The following CSMD3 variants were observed in gnomAD, a reference collection of about 807,000 sequenced individuals.
CSMD3 encodes CUB and Sushi multiple domains 3.
CSMD3 carries 177 observed loss-of-function variants against 435.2 expected under a neutral mutation model. That is an observed-to-expected ratio of 0.41 (90% confidence interval 0.36 to 0.46). The LOEUF (loss-of-function observed/expected upper bound fraction) is 0.46, where lower values mean the gene tolerates loss of function less well. Ranked by LOEUF, CSMD3 falls within the 20% of genes least tolerant of loss-of-function variation. The probability of loss-of-function intolerance (pLI) is 0.34; values close to 1 mark genes in which losing one functional copy is unlikely to be tolerated. For missense variants in CSMD3, 4,265 were observed against 4,504.6 expected (o/e 0.95, Z 1.52); for synonymous variants, 1,656 against 1,520.5 (o/e 1.09, Z -2.07).
At chr8:113,233,706 G>A (rs1167799657) in intron 3 of CSMD3, among the ~76,000 whole-genome samples, 1 of 151,706 alleles carries the variant, frequency 6.6e-6, no homozygotes, top group Non-Finnish European at 1.5e-5. Flanking sequence ...GAAAAGTTGA[G>A]AAGGAAAAGA....
chr8:113,134,361 G>A (rs1564352280), intron 4 of CSMD3, among the ~76,000 whole-genome samples: 1 of 151,928 alleles, frequency 6.6e-6, no homozygotes, highest in Non-Finnish European at 1.5e-5. Context: ...GCTCTATGAT[G>A]ACCCAATGTT....
intron 4 of CSMD3, among the ~76,000 whole-genome samples, chr8:113,137,328 C>T (rs976374747): frequency 6.6e-6 from 1 of 151,494 alleles, no homozygotes; most frequent in Admixed American, 6.6e-5. Flanking sequence ...TACTTAATAT[C>T]CTGTTTTATC....
chr8:112,756,187 G>C (rs1261618112), intron 13 of CSMD3, among the ~76,000 whole-genome samples: 1 of 152,076 alleles, frequency 6.6e-6, no homozygotes, highest in Non-Finnish European at 1.5e-5. Flanking sequence ...CTGGGTATGT[G>C]AAAAATCAGG....
chr8:112,975,613 T>C (rs2084816633), intron 7 of CSMD3, among the ~76,000 whole-genome samples: 3 of 152,104 alleles, frequency 2.0e-5, no homozygotes, highest in Admixed American at 2.0e-4. Flanking sequence ...CCCCTCCCCC[T>C]CCAACATTTG....
chr8:113,390,965 G>T (rs2094458961), intron 1 of CSMD3, among the ~76,000 whole-genome samples: 1 of 151,898 alleles, frequency 6.6e-6, no homozygotes, highest in South Asian at 2.1e-4. Context: ...ATTTGGAGAG[G>T]CAGAAGAAAG....
At chr8:112,265,027 G>T (rs2130402551) in intron 60 of CSMD3, among the ~76,000 whole-genome samples, 1 of 152,006 alleles carries the variant, frequency 6.6e-6, no homozygotes, top group African/African-American at 2.4e-5. Context: ...ATTATAGAAA[G>T]AATTTTTCCC....
intron 13 of CSMD3, among the ~76,000 whole-genome samples, chr8:112,773,139 AC>A (rs1234279217): frequency 3.3e-5 from 5 of 151,998 alleles, no homozygotes; most frequent in African/African-American, 1.2e-4. Flanking sequence ...GGGGCAACCC[AC>A]CCGTTCAAAA....
chr8:113,035,824 G>A (rs898094832), intron 5 of CSMD3, among the ~76,000 whole-genome samples: 3 of 151,886 alleles, frequency 2.0e-5, no homozygotes, highest in Non-Finnish European at 1.5e-5. Context: ...CCTATGGTTA[G>A]AGGAAATAAA....
intron 45 of CSMD3, among the ~76,000 whole-genome samples, chr8:112,328,069 C>T (rs1013730420): frequency 6.6e-6 from 1 of 152,148 alleles, no homozygotes; most frequent in African/African-American, 2.4e-5. Flanking sequence ...AGTAAGGACA[C>T]AGTATTCCTT....
At chr8:112,768,937 G>A (rs2078045739) in intron 13 of CSMD3, among the ~76,000 whole-genome samples, 1 of 151,844 alleles carries the variant, frequency 6.6e-6, no homozygotes. Flanking sequence ...TAGATCATCT[G>A]TGGCAACCTC....
intron 10 of CSMD3, among the ~76,000 whole-genome samples, chr8:112,859,555 G>C (rs1015669564): frequency 1.3e-5 from 2 of 151,710 alleles, no homozygotes; most frequent in African/African-American, 4.8e-5. Flanking sequence ...TTAGAGAAAG[G>C]TATATGTACC....
At chr8:112,841,923 A>G in intron 11 of CSMD3, among the ~76,000 whole-genome samples, 1 of 151,968 alleles carries the variant, frequency 6.6e-6, no homozygotes, top group South Asian at 2.1e-4. Flanking sequence ...GAGCAAAGGA[A>G]TTACACACAT....
At chr8:112,665,510 T>G (rs1031118418) in intron 17 of CSMD3, among the ~76,000 whole-genome samples, 5 of 152,160 alleles carry the variant, frequency 3.3e-5, no homozygotes, top group African/African-American at 4.8e-5. Context: ...AATTCAATCT[T>G]CAGTCAATAA....
intron 3 of CSMD3, among the ~76,000 whole-genome samples, chr8:113,198,143 C>T (rs61239354): frequency 0.11 from 17,113 of 151,298 alleles, 1,552 homozygotes; most frequent in African/African-American, 0.25. Context: ...AAGTTGGTAC[C>T]AAAATTGATT....
intron 7 of CSMD3, among the ~76,000 whole-genome samples, chr8:112,966,628 T>C (rs953600687): frequency 2.0e-5 from 3 of 151,862 alleles, no homozygotes; most frequent in South Asian, 2.1e-4. Flanking sequence ...TTTTAAAGTA[T>C]AGAATTTTGA....
intron 50 of CSMD3, among the ~76,000 whole-genome samples, chr8:112,309,613 C>T (rs1821766179): frequency 6.6e-6 from 1 of 152,040 alleles, no homozygotes; most frequent in Non-Finnish European, 1.5e-5. Flanking sequence ...TAAAATGTAT[C>T]TATTCTGCAT....
intron 3 of CSMD3, among the ~76,000 whole-genome samples, chr8:113,243,334 ATATTT>A (rs2093240120): frequency 6.6e-6 from 1 of 151,940 alleles, no homozygotes; most frequent in African/African-American, 2.4e-5. Flanking sequence ...AATTTCAGAA[ATATTT>A]TATTTATTTT....
chr8:112,982,267 T>C (rs2085080761), intron 6 of CSMD3, among the ~76,000 whole-genome samples: 1 of 151,876 alleles, frequency 6.6e-6, no homozygotes, highest in African/African-American at 2.4e-5. Context: ...ACTGAATTCT[T>C]TTTAAGTAAC....
intron 1 of CSMD3, among the ~76,000 whole-genome samples, chr8:113,325,619 A>G (rs2093978820): frequency 1.3e-5 from 2 of 152,180 alleles, no homozygotes; most frequent in Non-Finnish European, 2.9e-5. Flanking sequence ...CAAGTTTCTC[A>G]GTCTATTCCT....
Sources: gnomAD v4.1 joint callset for allele counts (sites outside exome capture counted in the v4.1 genomes callset) on GRCh38, gnomAD v4.1.1 for gene constraint, MANE v1.5 for transcripts, NCBI Gene and HGNC (gene_info 2026-07-23, HGNC 2026-07-21) for gene names.